The following KLF12 variants were observed in gnomAD, a reference collection of about 807,000 sequenced individuals.
KLF12 encodes the protein Krueppel-like factor 12.
A neutral mutation model predicts 37.8 loss-of-function variants in KLF12; 9 were observed. The ratio of observed to expected loss-of-function variants is 0.24; its 90% confidence interval spans 0.14 to 0.42. KLF12 has a LOEUF of 0.42. Ranked by LOEUF, KLF12 falls within the 10% of genes least tolerant of loss-of-function variation. The pLI is 1.00. For missense variants in KLF12, 411 were observed against 516.0 expected (o/e 0.80, Z 1.97); for synonymous variants, 208 against 202.1 (o/e 1.03, Z -0.25).
chr13:73,973,931 G>A (rs1344201954), intron 2 of KLF12, among the ~76,000 whole-genome samples: 1 of 151,816 alleles, frequency 6.6e-6, no homozygotes, highest in South Asian at 2.1e-4. Context: ...ACATACCGGA[G>A]ACCAAAAATT....
chr13:73,941,658 A>T (rs1456695385), intron 3 of KLF12, among the ~76,000 whole-genome samples: 3 of 152,318 alleles, frequency 2.0e-5, no homozygotes, highest in Non-Finnish European at 2.9e-5. Flanking sequence ...AGTCACCAAA[A>T]TTCTAGACTT....
At chr13:73,953,515 A>G (rs775647113) in intron 2 of KLF12, among the ~76,000 whole-genome samples, 77 of 152,224 alleles carry the variant, frequency 5.1e-4, no homozygotes, top group Admixed American at 5.2e-4. Context: ...TTGTTTGAAT[A>G]GTAATGAAAA....
the KLF12 span, among the ~76,000 whole-genome samples, chr13:74,183,963 T>C: frequency 6.6e-6 from 1 of 152,156 alleles, no homozygotes; most frequent in Non-Finnish European, 1.5e-5. Flanking sequence ...TTTAAGAGCA[T>C]TTATATTGTA....
the KLF12 span, among the ~76,000 whole-genome samples, chr13:74,199,996 C>T: frequency 1.3e-5 from 2 of 152,110 alleles, no homozygotes; most frequent in East Asian, 1.9e-4. Flanking sequence ...CTTCTGGGTG[C>T]TGAGGCCTTA....
At chr13:73,927,041 G>A (rs1418545424) in intron 3 of KLF12, among the ~76,000 whole-genome samples, 1 of 151,970 alleles carries the variant, frequency 6.6e-6, no homozygotes, top group Non-Finnish European at 1.5e-5. Context: ...GTGAAAGGGT[G>A]TCATGTATGA....
chr13:74,293,525 C>T, the KLF12 span, among the ~76,000 whole-genome samples: 4 of 152,142 alleles, frequency 2.6e-5, no homozygotes, highest in African/African-American at 4.8e-5. Context: ...AATGAACTGA[C>T]GGAAGTGTCA....
intron 7 of KLF12, among the ~76,000 whole-genome samples, chr13:73,701,226 C>T (rs1426575718): frequency 1.3e-5 from 2 of 152,204 alleles, no homozygotes; most frequent in East Asian, 1.9e-4. Flanking sequence ...GGCGACTCTG[C>T]ATCAGGTTGA....
At chr13:74,303,305 C>T in the KLF12 span, among the ~76,000 whole-genome samples, 1 of 152,114 alleles carries the variant, frequency 6.6e-6, no homozygotes, top group Non-Finnish European at 1.5e-5. Context: ...GAGTTATAAT[C>T]GAGTGTGACT....
chr13:74,171,747 C>T, the KLF12 span, among the ~76,000 whole-genome samples: 1 of 152,118 alleles, frequency 6.6e-6, no homozygotes, highest in Non-Finnish European at 1.5e-5. Flanking sequence ...TGTTCAGCTG[C>T]TAAAAAGACT....
chr13:74,187,533 AT>A, the KLF12 span, among the ~76,000 whole-genome samples: 1 of 152,018 alleles, frequency 6.6e-6, no homozygotes, highest in Admixed American at 6.6e-5. Context: ...CACTCACTAA[AT>A]TTTTTTGTTG....
At chr13:73,750,570 A>C (rs1878673048) in intron 6 of KLF12, among the ~76,000 whole-genome samples, 1 of 152,218 alleles carries the variant, frequency 6.6e-6, no homozygotes, top group South Asian at 2.1e-4. Flanking sequence ...GCATTGGATC[A>C]GAGAGGAAGA....
chr13:74,173,934 G>A, the KLF12 span, among the ~76,000 whole-genome samples: 2 of 152,068 alleles, frequency 1.3e-5, no homozygotes, highest in Non-Finnish European at 2.9e-5. Context: ...GCCTTTCCTT[G>A]GTAATACAAT....
intron 1 of KLF12, among the ~76,000 whole-genome samples, chr13:74,117,720 G>A (rs868413560): frequency 5.3e-5 from 8 of 152,074 alleles, no homozygotes; most frequent in African/African-American, 1.4e-4. Context: ...CACTGAGAAG[G>A]GTTCGTCACC....
rs1386294263 is a variant in KLF12 at position 73,690,791 on chromosome 13, A to AATTTGTGAG, written c.*4690_*4698dup. 7 of 152,616 alleles carry AATTTGTGAG rather than the reference A, an allele frequency of 4.6e-5. No individual in the cohort carries two copies. The highest frequency in any genetic ancestry group is 1.0e-4 in the Non-Finnish European group (7 of 68,036). The allele number at this position is 152,616 out of a possible 1,614,324, so 9.5% of individuals were successfully genotyped here. ...ATCAAACTATTTACAACCTCTGTAA[A>AATTTGTGAG]ATTTGTGAGTTTGAAAATACTTTTT... On this transcript the variant is annotated 3_prime_UTR_variant, in exon 8 of 8. Transcript: ENST00000377669.
intron 5 of KLF12, among the ~76,000 whole-genome samples, chr13:73,792,502 T>C (rs1881746882): frequency 1.3e-5 from 2 of 152,168 alleles, no homozygotes; most frequent in Non-Finnish European, 1.5e-5. Flanking sequence ...GCAGGCCATT[T>C]TGCAGTCTCA....
chr13:74,213,002 A>G, the KLF12 span, among the ~76,000 whole-genome samples: 4 of 152,160 alleles, frequency 2.6e-5, no homozygotes, highest in Non-Finnish European at 4.4e-5. Flanking sequence ...AAAAAGTATA[A>G]TATATAATAA....
chr13:74,032,805 G>C (rs1219384988), intron 1 of KLF12, among the ~76,000 whole-genome samples: 1 of 151,954 alleles, frequency 6.6e-6, no homozygotes, highest in African/African-American at 2.4e-5. Context: ...GGCAGTGCTT[G>C]GTATTCAGTA....
At chr13:74,097,859 T>C (rs979351191) in intron 1 of KLF12, among the ~76,000 whole-genome samples, 14 of 144,418 alleles carry the variant, frequency 9.7e-5, no homozygotes, top group African/African-American at 3.5e-4. Context: ...TCCAAATATA[T>C]ATATTTTTAA....
At chr13:74,271,544 C>T in the KLF12 span, among the ~76,000 whole-genome samples, 15,466 of 152,114 alleles carry the variant, frequency 0.1, 2,571 homozygotes, top group African/African-American at 0.35. Context: ...TTTATAATAC[C>T]TTAGTTTCTA....
Sources: gnomAD v4.1 joint callset for allele counts (sites outside exome capture counted in the v4.1 genomes callset) on GRCh38, gnomAD v4.1.1 for gene constraint, MANE v1.5 for transcripts, NCBI Gene and HGNC (gene_info 2026-07-23, HGNC 2026-07-21) for gene names.